H2AC8: variants seen among roughly 807,000 people sequenced by gnomAD.
H2AC8 encodes the protein histone H2A type 1-B/E.
H2AC8 carries 9 observed loss-of-function variants against 6.3 expected under a neutral mutation model. The observed-to-expected ratio is 1.43, with a 90% CI of 0.86 to 2.49. The LOEUF (loss-of-function observed/expected upper bound fraction) is 2.49, where lower values mean the gene tolerates loss of function less well. H2AC8 is among the 30% of genes most tolerant of loss of function. H2AC8 has a pLI of 0.00. For missense variants in H2AC8, 141 were observed against 177.5 expected (o/e 0.79, Z 1.17); for synonymous variants, 176 against 79.6 (o/e 2.21, Z -6.45).
At chr6:26,216,961 G>A (rs199635603), upstream of H2AC8, 20 of 1,613,896 alleles carry the variant, frequency 1.2e-5, no homozygotes, top group Non-Finnish European at 1.5e-5. Context: ...TTCTTCTGCT[G>A]TTAGGAAGCC....
chr6:26,217,431 C>A (rs1765438381), exon 1 of H2AC8: 1 of 1,537,848 alleles, frequency 6.5e-7, no homozygotes, highest in Non-Finnish European at 8.8e-7. Flanking sequence ...CTTTTCAGAG[C>A]CACCCACCTT....
chr6:26,217,061 C>G lies in H2AC8; in HGVS notation c.87C>G (p.Gly29=), dbSNP rs114224033. 1.7e-4 allele frequency: 277 copies of G among 1,614,212 alleles called. 1 individual carries two copies. In the African/African-American group the frequency reaches 3.0e-3, roughly 18 times the overall value. The stretch of plus-strand genomic sequence containing the variant: ...GGGCCGGTCTTCAGTTTCCAGTTGG[C>G]CGTGTGCACCGCCTCCTCCGCAAAG... The change falls in exon 1 of 1, where the codon GGC becomes GGG. Residue 29 remains glycine, a synonymous_variant. Transcript: ENST00000303910.
chr6:26,217,097 C>A, exon 1 of H2AC8: 2 of 1,614,206 alleles, frequency 1.2e-6, no homozygotes, highest in Non-Finnish European at 1.7e-6. Flanking sequence ...GCAACTACTC[C>A]GAACGAGTCG....
chr6:26,217,117 C>T (rs1235574148), exon 1 of H2AC8: 1 of 1,614,214 alleles, frequency 6.2e-7, no homozygotes, highest in South Asian at 1.1e-5. Context: ...GGGGCCGGCG[C>T]TCCAGTGTAC....
At chr6:26,217,265 T>C (rs775261145) in exon 1 of H2AC8, 3 of 1,614,180 alleles carry the variant, frequency 1.9e-6, no homozygotes, top group Non-Finnish European at 1.7e-6. Flanking sequence ...TAAATAAGCT[T>C]CTAGGTCGCG....
chr6:26,217,057 T>C (rs1765427063), exon 1 of H2AC8: 1 of 1,614,226 alleles, frequency 6.2e-7, no homozygotes, highest in Non-Finnish European at 8.5e-7. Flanking sequence ...CAGTTTCCAG[T>C]TGGCCGTGTG....
exon 1 of H2AC8, chr6:26,217,035 A>C (rs1254792892): frequency 6.2e-7 from 1 of 1,614,120 alleles, no homozygotes; most frequent in Non-Finnish European, 8.5e-7. Context: ...GCGTTCTTCC[A>C]GGGCCGGTCT....
upstream of H2AC8, chr6:26,216,971 C>T (rs375059554): frequency 1.2e-4 from 190 of 1,613,988 alleles, 1 homozygote; most frequent in Middle Eastern, 3.3e-4. Flanking sequence ...GTTAGGAAGC[C>T]ACTATGTCTG....
chr6:26,217,053 C>T, exon 1 of H2AC8: 1 of 1,614,210 alleles, frequency 6.2e-7, no homozygotes, highest in Non-Finnish European at 8.5e-7. Flanking sequence ...TCTTCAGTTT[C>T]CAGTTGGCCG....
chr6:26,217,106 C>G (rs765896361), exon 1 of H2AC8: 19 of 1,614,068 alleles, frequency 1.2e-5, no homozygotes, highest in Non-Finnish European at 1.6e-5. Context: ...CCGAACGAGT[C>G]GGGGCCGGCG....
exon 1 of H2AC8, chr6:26,217,083 A>G: frequency 6.2e-7 from 1 of 1,614,192 alleles, no homozygotes; most frequent in Non-Finnish European, 8.5e-7. Flanking sequence ...CCTCCTCCGC[A>G]AAGGCAACTA....
At chr6:26,217,066 T>C in exon 1 of H2AC8, 1 of 1,614,180 alleles carries the variant, frequency 6.2e-7, no homozygotes, top group Non-Finnish European at 8.5e-7. Flanking sequence ...GTTGGCCGTG[T>C]GCACCGCCTC....
chr6:26,217,412 C>T lies in H2AC8; in HGVS notation c.*45C>T, dbSNP rs754561641. 38 of 1,587,082 alleles carry T rather than the reference C, an allele frequency of 2.4e-5. No homozygotes were observed. In the African/African-American group the frequency reaches 5.0e-4, roughly 21 times the overall value. ...CGTCAGTGATCCCGAGTCCCAGAAA[C>T]CAAAGGCTCTTTTCAGAGCCACCCA... On this transcript the variant is annotated 3_prime_UTR_variant, in exon 1 of 1. Transcript: ENST00000303910.
exon 1 of H2AC8, chr6:26,217,277 G>A: frequency 1.2e-6 from 2 of 1,614,230 alleles, no homozygotes; most frequent in South Asian, 1.1e-5. Context: ...TAGGTCGCGT[G>A]ACCATCGCGC....
At chr6:26,216,942 G>C (rs377218795), upstream of H2AC8, 27 of 1,611,498 alleles carry the variant, frequency 1.7e-5, no homozygotes, top group Admixed American at 2.5e-4. Flanking sequence ...TTATTCAGTG[G>C]ATTGTTAGTT....
rs779580255 is a variant in H2AC8 at position 26,217,404 on chromosome 6, C to T, written c.*37C>T. 1.8e-5 allele frequency: 28 copies of T among 1,592,400 alleles called. No individual in the cohort carries two copies. In the Middle Eastern group the frequency reaches 5.0e-4, roughly 28 times the overall value. On this transcript the variant is annotated 3_prime_UTR_variant, in exon 1 of 1. Coordinates refer to ENST00000303910, the Ensembl canonical transcript of H2AC8. ...GTCAAATCCGTCAGTGATCCCGAGT[C>T]CCAGAAACCAAAGGCTCTTTTCAGA...
exon 1 of H2AC8, chr6:26,217,164 T>C (rs1765430001): frequency 1.2e-6 from 2 of 1,614,022 alleles, no homozygotes; most frequent in Admixed American, 3.3e-5. Context: ...GGCCGAGATC[T>C]TAGAGCTAGC....
exon 1 of H2AC8, chr6:26,217,017 G>A (rs756106574): frequency 8.1e-6 from 13 of 1,614,200 alleles, no homozygotes; most frequent in Non-Finnish European, 1.1e-5. Context: ...TCGGGCAAAA[G>A]CTAAAACGCG....
chr6:26,216,953 C>T (rs200346919), upstream of H2AC8: 88 of 1,613,428 alleles, frequency 5.5e-5, no homozygotes, highest in East Asian at 1.1e-4. Flanking sequence ...ATTGTTAGTT[C>T]TTCTGCTGTT....
Sources: allele counts gnomAD v4.1 joint callset, GRCh38; gene constraint gnomAD v4.1.1; transcripts MANE v1.5; gene names NCBI Gene and HGNC (gene_info 2026-07-23, HGNC 2026-07-21).